IMPG1: variants seen among roughly 807,000 people sequenced by gnomAD.
IMPG1 encodes the protein interphotoreceptor matrix proteoglycan of 150 kDa.
IMPG1 carries 85 observed loss-of-function variants against 92.0 expected under a neutral mutation model. That is an observed-to-expected ratio of 0.92 (90% CI 0.78 to 1.11). The LOEUF is 1.11. Ranked by LOEUF, IMPG1 falls within the 50% of genes least tolerant of loss-of-function variation. IMPG1 has a pLI of 0.00. For missense variants in IMPG1, 1,022 were observed against 956.0 expected, an observed-to-expected ratio of 1.07 and a Z score of -0.91; for synonymous variants, 367 against 334.1, an observed-to-expected ratio of 1.10 and a Z score of -1.08.
rs1487703697 is a variant in IMPG1, at chr6:76,072,451, C to CA, written c.37dup (p.Trp13LeufsTer15). On this transcript the variant is annotated frameshift_variant, in exon 1 of 17. Coordinates refer to ENST00000369950, the MANE Select transcript of IMPG1 (RefSeq NM_001563.4). LOFTEE classifies it high-confidence loss of function. ...GGTTCCTTGAACTTGGAGAAAAATCCAAAAAACAAAAATAGCTCTTCTAGT... is the reference window on the plus strand; with the variant it reads ...GGTTCCTTGAACTTGGAGAAAAATCCAAAAAAACAAAAATAGCTCTTCTAGT... 1.3e-6 allele frequency: 2 copies of CA among 1,595,192 alleles called. No individual in the cohort carries two copies. The highest frequency in any genetic ancestry group is 1.7e-6 in the Non-Finnish European group (2 of 1,168,110).
intron 4 of IMPG1, among the ~76,000 whole-genome samples, chr6:76,026,393 T>C (rs1783536106): frequency 6.6e-6 from 1 of 152,196 alleles, no homozygotes; most frequent in African/African-American, 2.4e-5. Context: ...TCCTTGGACT[T>C]CTCAGGGTGG....
At chr6:75,987,484 C>T (rs1049502953) in intron 12 of IMPG1, among the ~76,000 whole-genome samples, 14 of 145,618 alleles carry the variant, frequency 9.6e-5, no homozygotes, top group African/African-American at 2.6e-4. Flanking sequence ...CCACAGGCTC[C>T]GGTGTGTGAT....
At chr6:75,970,465 C>T (rs929828584) in intron 12 of IMPG1, among the ~76,000 whole-genome samples, 65 of 152,026 alleles carry the variant, frequency 4.3e-4, no homozygotes, top group Non-Finnish European at 1.5e-5. Context: ...TAAACATTAT[C>T]TCATATAATA....
intron 1 of IMPG1, among the ~76,000 whole-genome samples, chr6:76,068,490 A>G (rs1209443000): frequency 1.3e-5 from 2 of 150,212 alleles, no homozygotes; most frequent in African/African-American, 2.5e-5. Context: ...GGAAGAATCA[A>G]TATTTTTAAA....
At chr6:75,990,126 A>G (rs1056847008) in intron 12 of IMPG1, among the ~76,000 whole-genome samples, 1 of 152,242 alleles carries the variant, frequency 6.6e-6, no homozygotes, top group South Asian at 2.1e-4. Context: ...CATTTGTTTC[A>G]TCCCTATCAA....
intron 1 of IMPG1, among the ~76,000 whole-genome samples, chr6:76,064,746 A>G (rs1784278407): frequency 6.6e-6 from 1 of 152,146 alleles, no homozygotes; most frequent in African/African-American, 2.4e-5. Context: ...CTCCTGGTAA[A>G]CAAAGATCAA....
chr6:75,924,985 T>C (rs1442554057), intron 15 of IMPG1, among the ~76,000 whole-genome samples: 2 of 149,204 alleles, frequency 1.3e-5, no homozygotes, highest in Non-Finnish European at 3.0e-5. Context: ...GGGAGGAGGG[T>C]ATCATGGAGA....
At chr6:76,053,024 A>G (rs1171952907) in intron 1 of IMPG1, among the ~76,000 whole-genome samples, 4 of 152,066 alleles carry the variant, frequency 2.6e-5, no homozygotes, top group Admixed American at 1.3e-4. Flanking sequence ...CCATCTCCTC[A>G]CATGTATAGG....
At chr6:76,005,615 G>T in intron 9 of IMPG1, 81 bp from the exon 10 acceptor site, 2 of 1,461,104 alleles carry the variant, frequency 1.4e-6, no homozygotes, top group Middle Eastern at 2.4e-4. Context: ...TTGCTACAAA[G>T]CTTCAGGATA....
At chr6:76,024,972 A>G (rs753123754) in intron 5 of IMPG1, 21 of 591,390 alleles carry the variant, frequency 3.6e-5, no homozygotes, top group Non-Finnish European at 5.4e-5. Context: ...TTGTTTCCAA[A>G]CTGTAAGATA....
At chr6:76,053,888 A>G (rs1784080642) in intron 1 of IMPG1, among the ~76,000 whole-genome samples, 2 of 152,162 alleles carry the variant, frequency 1.3e-5, no homozygotes, top group Non-Finnish European at 2.9e-5. Context: ...TGTTGCATAT[A>G]TTACAAAAAA....
At chr6:75,945,359 T>TTTTTTTTTTTTC (rs1781909076) in intron 14 of IMPG1, among the ~76,000 whole-genome samples, 1 of 100,826 alleles carries the variant, frequency 9.9e-6, no homozygotes, top group Non-Finnish European at 2.2e-5. Context: ...TTTTTTTTTC[T>TTTTTTTTTTTTC]TTTTTTTTTT....
Position 75,935,059 on chromosome 6 carries a change from C to T in IMPG1, c.2045-3908G>A, listed in dbSNP as rs545225550. ...TCCCGTTGGGTCTCTCTTTCGTGGA[C>T]GTTTTTTCCAATGCGATGAAACCTA... is the stretch of plus-strand genomic sequence containing the variant. On this transcript the variant is annotated intron_variant, in intron 14 of 16. Coordinates refer to ENST00000369950, the MANE Select transcript of IMPG1 (RefSeq NM_001563.4). 8 of 468,436 alleles carry T rather than the reference C, an allele frequency of 1.7e-5. No individual in the cohort carries two copies. In the East Asian group the frequency reaches 3.5e-4, roughly 20 times the overall value. 29.0% of individuals were successfully genotyped at this position (468,436 alleles called of 1,614,324 possible).
At chr6:76,003,611 C>A (rs1289690717) in intron 11 of IMPG1, among the ~76,000 whole-genome samples, 3 of 152,010 alleles carry the variant, frequency 2.0e-5, no homozygotes, top group Non-Finnish European at 2.9e-5. Context: ...CAGAGCCCAT[C>A]CTGATTCTAA....
chr6:75,930,145 A>G (rs1405161632), intron 15 of IMPG1, among the ~76,000 whole-genome samples: 1 of 152,186 alleles, frequency 6.6e-6, no homozygotes, highest in South Asian at 2.1e-4. Flanking sequence ...AGGCCTTTGT[A>G]TCTTGCCTCC....
At chr6:76,003,785 C>T in intron 11 of IMPG1, 89 bp downstream of exon 11, 1 of 964,342 alleles carries the variant, frequency 1.0e-6, no homozygotes, top group Non-Finnish European at 1.6e-6. Flanking sequence ...GGGGATTTTG[C>T]TCTGTTCATT....
intron 12 of IMPG1, among the ~76,000 whole-genome samples, chr6:75,960,726 G>C (rs1174572076): frequency 6.6e-6 from 1 of 152,152 alleles, no homozygotes; most frequent in Non-Finnish European, 1.5e-5. Flanking sequence ...ATTAGACATA[G>C]TAGTGACACA....
At chr6:76,010,055 T>C (rs1269809234) in intron 8 of IMPG1, among the ~76,000 whole-genome samples, 1 of 152,262 alleles carries the variant, frequency 6.6e-6, no homozygotes, top group Non-Finnish European at 1.5e-5. Context: ...TTGGTAGATA[T>C]TAAGGGTTTC....
chr6:76,053,459 A>C (rs1360336439), intron 1 of IMPG1, among the ~76,000 whole-genome samples: 1 of 152,200 alleles, frequency 6.6e-6, no homozygotes. Context: ...TTATAAAACA[A>C]ATTCCAAAAA....
Sources: allele counts gnomAD v4.1 joint callset (sites outside exome capture counted in the v4.1 genomes callset), GRCh38; gene constraint gnomAD v4.1.1; transcripts MANE v1.5; gene names NCBI Gene and HGNC (gene_info 2026-07-23, HGNC 2026-07-21).